The following C21orf58 variants were observed in gnomAD, a reference collection of about 807,000 sequenced individuals.
C21orf58 encodes the protein chromosome 21 open reading frame 58, also known as uncharacterized protein C21orf58.
In C21orf58, 34 loss-of-function variants were observed where a neutral mutation model predicts 35.8. That is an observed-to-expected ratio of 0.95 (90% CI 0.72 to 1.26). The LOEUF (loss-of-function observed/expected upper bound fraction) is 1.26, where lower values mean the gene tolerates loss of function less well. Ranked by LOEUF, C21orf58 falls within the 50% of genes most tolerant of loss-of-function variation. The pLI is 0.00. For missense variants in C21orf58, 440 were observed against 414.3 expected (o/e 1.06, Z -0.54); for synonymous variants, 191 against 175.8 (o/e 1.09, Z -0.68).
At chr21:46,303,731 A>T (rs1166253752) in intron 6 of C21orf58, among the ~76,000 whole-genome samples, 14 of 28,434 alleles carry the variant, frequency 4.9e-4, no homozygotes, top group Non-Finnish European at 7.9e-4. Context: ...ATATATATAT[A>T]TATATATATA....
At chr21:46,306,608 GACAGGGTTTC>G (rs1253544036) in intron 6 of C21orf58, among the ~76,000 whole-genome samples, 1 of 152,124 alleles carries the variant, frequency 6.6e-6, no homozygotes, top group Non-Finnish European at 1.5e-5. Flanking sequence ...TTTATTTAGA[GACAGGGTTTC>G]ACTCTCTTGC....
At chr21:46,311,078 G>C (rs1261744207) in intron 6 of C21orf58, among the ~76,000 whole-genome samples, 1 of 151,852 alleles carries the variant, frequency 6.6e-6, no homozygotes, top group Non-Finnish European at 1.5e-5. Flanking sequence ...CACCCTGTGG[G>C]CCAGGCTGGT....
intron 6 of C21orf58, among the ~76,000 whole-genome samples, chr21:46,304,281 C>T (rs1024784902): frequency 2.2e-4 from 33 of 152,062 alleles, no homozygotes; most frequent in African/African-American, 6.5e-4. Context: ...CTGCCCGCCT[C>T]GGCCTCCCAA....
chr21:46,318,082 G>T lies in C21orf58; in HGVS notation c.239C>A (p.Ala80Glu). Residue 80 changes from alanine to glutamate, a missense_variant, in exon 2 of 8, where the codon GCA becomes GAA. By Grantham distance (107) the Ala-to-Glu change is moderately radical (BLOSUM62 -1). Transcript: ENST00000291691. ...WPPLPLQSSP[A>E]APTMLDSSAA... ...TGATGAGTCCAGCATGGTGGGAGCT[G>T]CAGGAGACGACTGTAGGGGCAGGGG... is the stretch of plus-strand genomic sequence containing the variant. 1 of 1,613,412 alleles carries T rather than the reference G, an allele frequency of 6.2e-7. No homozygotes were observed. The highest frequency in any genetic ancestry group is 8.5e-7 in the Non-Finnish European group (1 of 1,180,002).
rs1461575539 is a variant in C21orf58 at position 46,322,709 on chromosome 21, G to A, written c.30C>T (p.Ser10=). The A allele has an allele frequency of 1.3e-6, 2 of 1,566,524 alleles. No homozygotes were observed. Among genetic ancestry groups the A allele is most frequent in the South Asian group, 1.2e-5 (1 of 85,076 alleles). Residue 10 remains serine, a synonymous_variant, in exon 1 of 8, where the codon TCC becomes TCT. Coordinates refer to ENST00000291691, the MANE Select transcript of C21orf58 (RefSeq NM_058180.5). ...GGTCGAGCTTCCACGGCTTCCTGAG[G>A]GAGGTTGCAGGGAGCCGAGATCGCG... MARSRLPAT[S]LRKPWKLDRQ...
At position 46,317,286 on chromosome 21, in the gene C21orf58, C is replaced by G; in HGVS notation, c.310-18G>C. The G allele has an allele frequency of 6.2e-7, 1 of 1,609,408 alleles. No individual in the cohort carries two copies. Among genetic ancestry groups the G allele is most frequent in the Non-Finnish European group, 8.5e-7 (1 of 1,178,860 alleles). On this transcript the variant is annotated intron_variant, in intron 2 of 7. Transcript: ENST00000291691. The stretch of plus-strand genomic sequence containing the variant: ...TCCAGCTTCTGTGAGGAAGAGAGAC[C>G]GTGACAGAGACGGTGGCTCCACGCA...
chr21:46,319,618 G>A (rs946116222), intron 1 of C21orf58, among the ~76,000 whole-genome samples: 4 of 152,168 alleles, frequency 2.6e-5, no homozygotes, highest in Non-Finnish European at 5.9e-5. Flanking sequence ...ATAAAAAAGG[G>A]CCAGGTGCGG....
intron 6 of C21orf58, among the ~76,000 whole-genome samples, chr21:46,311,133 G>C (rs1022975755): frequency 7.2e-5 from 11 of 152,044 alleles, no homozygotes; most frequent in Non-Finnish European, 1.5e-4. Context: ...CAGCCTCCCA[G>C]TGTTGGGATT....
intron 6 of C21orf58, 29 bp downstream of exon 6, chr21:46,311,427 C>A: frequency 1.5e-6 from 2 of 1,374,940 alleles, no homozygotes; most frequent in South Asian, 1.3e-5. Flanking sequence ...TTTCCTCAAC[C>A]CACAACAATA....
intron 6 of C21orf58, among the ~76,000 whole-genome samples, chr21:46,307,182 C>T (rs1218206006): frequency 2.0e-5 from 3 of 151,764 alleles, no homozygotes; most frequent in African/African-American, 4.8e-5. Flanking sequence ...AGGTGTGAGC[C>T]GCTGCGCCCA....
chr21:46,319,468 T>C (rs974641211), intron 1 of C21orf58, among the ~76,000 whole-genome samples: 4 of 152,180 alleles, frequency 2.6e-5, no homozygotes, highest in African/African-American at 9.7e-5. Context: ...GGCCCCATGT[T>C]TAAGATCCCA....
intron 2 of C21orf58, 21 bp downstream of exon 2, chr21:46,317,991 G>A (rs1294359215): frequency 1.2e-6 from 2 of 1,611,640 alleles, no homozygotes; most frequent in Non-Finnish European, 1.7e-6. Context: ...AAAAACAGGA[G>A]CATCCCGGGC....
chr21:46,306,037 C>T (rs2082402441), intron 6 of C21orf58, among the ~76,000 whole-genome samples: 1 of 147,124 alleles, frequency 6.8e-6, no homozygotes, highest in African/African-American at 2.5e-5. Flanking sequence ...GAGTTTTGGA[C>T]CTGCCTTAGG....
intron 7 of C21orf58, 59 bp downstream of exon 7, chr21:46,302,426 A>T: frequency 7.2e-7 from 1 of 1,385,794 alleles, no homozygotes; most frequent in South Asian, 1.2e-5. Flanking sequence ...AATTTCCAGA[A>T]GAAAAACCAC....
rs754857212 is a variant in C21orf58, at chr21:46,317,244, C to T, written c.334G>A (p.Val112Met). ...TGGAGGCCCTCAGGTCCCCCTTCCA[C>T]GTTCTGCCGTTCTTGCTCCAGCTTC... ...GQKLEQERQN[V>M]EGGPEGLHLE... The change falls in exon 3 of 8, where the codon GTG (valine) becomes ATG (methionine). Residue 112 changes from valine to methionine, a missense_variant. Val to Met is a conservative substitution (Grantham distance 21, BLOSUM62 1). Coordinates refer to ENST00000291691, the MANE Select transcript of C21orf58 (RefSeq NM_058180.5). The T allele has an allele frequency of 2.2e-5, 35 of 1,611,814 alleles. No homozygotes were observed. The highest frequency in any genetic ancestry group is 1.2e-4 in the Admixed American group (7 of 59,886).
chr21:46,305,757 G>A (rs1300905097), intron 6 of C21orf58, among the ~76,000 whole-genome samples: 2 of 151,728 alleles, frequency 1.3e-5, no homozygotes, highest in Admixed American at 1.3e-4. Flanking sequence ...GGCTAACACG[G>A]TGAAACCCCG....
intron 6 of C21orf58, among the ~76,000 whole-genome samples, chr21:46,304,317 A>C (rs1441961482): frequency 6.6e-6 from 1 of 151,982 alleles, no homozygotes; most frequent in African/African-American, 2.4e-5. Context: ...GGCGTGAGCC[A>C]CTGCGCCTGC....
intron 6 of C21orf58, among the ~76,000 whole-genome samples, chr21:46,303,775 A>G (rs1421000373): frequency 1.0e-5 from 1 of 99,970 alleles, no homozygotes; most frequent in Non-Finnish European, 2.0e-5. Context: ...TTTTGGAGAC[A>G]GAGTCTTGCT....
At chr21:46,313,101 A>G (rs2082812093) in intron 5 of C21orf58, 2 of 975,312 alleles carry the variant, frequency 2.1e-6, no homozygotes, top group Non-Finnish European at 2.4e-6. Flanking sequence ...GCTACATCGT[A>G]AACAGCTTCC....
Sources: gnomAD v4.1 joint callset for allele counts (sites outside exome capture counted in the v4.1 genomes callset) on GRCh38, gnomAD v4.1.1 for gene constraint, MANE v1.5 for transcripts, NCBI Gene and HGNC (gene_info 2026-07-23, HGNC 2026-07-21) for gene names.